ALG9: variants seen among roughly 807,000 people sequenced by gnomAD.
ALG9 encodes ALG9 alpha-1,2-mannosyltransferase.
ALG9 carries 55 observed loss-of-function variants against 81.8 expected under a neutral mutation model. The observed-to-expected ratio is 0.67, with a 90% CI of 0.54 to 0.84. ALG9 has a LOEUF of 0.84. Among genes scored for constraint, ALG9 ranks in the 40% least tolerant of loss-of-function variants. The pLI is 0.00. For missense variants in ALG9, 629 were observed against 745.0 expected (o/e 0.84, Z 1.81); for synonymous variants, 278 against 274.3 (o/e 1.01, Z -0.13).
Position 111,871,427 on chromosome 11 carries a change from T to TA in ALG9, c.55_56insT (p.Asp19ValfsTer39). The TA allele has an allele frequency of 6.5e-7, 1 of 1,536,176 alleles. No homozygotes were observed. Among genetic ancestry groups the TA allele is most frequent in the Non-Finnish European group, 8.7e-7 (1 of 1,146,640 alleles). On this transcript the variant is annotated frameshift_variant, in exon 1 of 15. Coordinates refer to ENST00000616540, the MANE Select transcript of ALG9 (RefSeq NM_024740.2). LOFTEE classifies it high-confidence loss of function. ...CAGCTTGTCCGCAGCCGGGGCCGTATCCCCACTGCTGGCCCCGCTGCCCTT... is the reference window on the plus strand; with the variant it reads ...CAGCTTGTCCGCAGCCGGGGCCGTATACCCCACTGCTGGCCCCGCTGCCCTT...
At chr11:111,810,933 ACTC>A (rs1380063511) in intron 13 of ALG9, among the ~76,000 whole-genome samples, 3 of 152,172 alleles carry the variant, frequency 2.0e-5, no homozygotes, top group African/African-American at 7.2e-5. Flanking sequence ...TGCTGTCACT[ACTC>A]TGTTCAGCAC....
intron 5 of ALG9, among the ~76,000 whole-genome samples, chr11:111,858,215 G>A (rs1467203545): frequency 5.9e-5 from 9 of 152,062 alleles, no homozygotes; most frequent in Non-Finnish European, 4.4e-5. Flanking sequence ...GATTACAGGC[G>A]TGAACCACCG....
In ALG9 at chr11:111,836,544, T is replaced by C. The variant is rs1565971751; in HGVS notation, c.1473-250A>G. 7 of 441,128 alleles carry C rather than the reference T, an allele frequency of 1.6e-5. No individual in the cohort carries two copies. In the Admixed American group the frequency reaches 2.1e-4, roughly 13 times the overall value. The allele number at this position is 441,128 out of a possible 1,614,324, so 27.3% of individuals were successfully genotyped here. On this transcript the variant is annotated intron_variant, in intron 12 of 14. Transcript: ENST00000616540. The stretch of plus-strand genomic sequence containing the variant: ...AGCAGTGAAATTCACAACCAAATGG[T>C]CATATCATCAAAAAACCAGAGAAGT...
chr11:111,869,168 A>T (rs1203489223), intron 2 of ALG9, among the ~76,000 whole-genome samples: 1 of 152,216 alleles, frequency 6.6e-6, no homozygotes, highest in Non-Finnish European at 1.5e-5. Context: ...GACATTATAA[A>T]TTTTACAAGA....
intron 14 of ALG9, among the ~76,000 whole-genome samples, chr11:111,793,939 C>G (rs1947851558): frequency 6.6e-6 from 1 of 152,218 alleles, no homozygotes; most frequent in African/African-American, 2.4e-5. Flanking sequence ...TAGGGCAGCA[C>G]AGGCAGCGTG....
chr11:111,849,143 C>T (rs1028594546), intron 8 of ALG9, among the ~76,000 whole-genome samples: 1 of 152,098 alleles, frequency 6.6e-6, no homozygotes, highest in African/African-American at 2.4e-5. Flanking sequence ...CTCTGCCTCC[C>T]GAGTTCAAGC....
At chr11:111,802,037 C>A (rs1175134723) in intron 14 of ALG9, among the ~76,000 whole-genome samples, 1 of 152,230 alleles carries the variant, frequency 6.6e-6, no homozygotes, top group African/African-American at 2.4e-5. Context: ...ATTACTACTG[C>A]AGTTCTGGCA....
rs996191556 is a variant in ALG9 at position 111,783,533 on chromosome 11, T to G, written c.*2864A>C. ...TCTATGGAGAAATAAGTATCTTGCATGCTTCCTCCTTTTGGCAAGCAGAAC... is the reference window on the plus strand; with the variant it reads ...TCTATGGAGAAATAAGTATCTTGCAGGCTTCCTCCTTTTGGCAAGCAGAAC... On this transcript the variant is annotated 3_prime_UTR_variant, in exon 15 of 15. Transcript: ENST00000616540. The G allele has an allele frequency of 1.3e-5, 2 of 152,172 alleles. No individual in the cohort carries two copies. Among genetic ancestry groups the G allele is most frequent in the African/African-American group, 4.8e-5 (2 of 41,430 alleles). 9.4% of individuals were successfully genotyped at this position (152,172 alleles called of 1,614,324 possible).
At chr11:111,781,210 G>T (rs1380592385), downstream of ALG9, among the ~76,000 whole-genome samples, 2 of 152,170 alleles carry the variant, frequency 1.3e-5, no homozygotes, top group Non-Finnish European at 2.9e-5. Context: ...CCTATAGGAA[G>T]AATAATAATA....
intron 14 of ALG9, among the ~76,000 whole-genome samples, chr11:111,808,220 T>C (rs1287717543): frequency 6.6e-6 from 1 of 152,166 alleles, no homozygotes; most frequent in East Asian, 1.9e-4. Context: ...AGCCTACATT[T>C]GAGAATCACT....
At chr11:111,793,148 A>G (rs1431303541) in intron 14 of ALG9, among the ~76,000 whole-genome samples, 4 of 151,946 alleles carry the variant, frequency 2.6e-5, no homozygotes, top group African/African-American at 9.7e-5. Flanking sequence ...ATTCCCAGCT[A>G]ATTTTTTACT....
chr11:111,846,789 A>G (rs906690567), intron 8 of ALG9, among the ~76,000 whole-genome samples: 44 of 152,218 alleles, frequency 2.9e-4, no homozygotes, highest in African/African-American at 1.0e-3. Context: ...AGCAAAGGGT[A>G]TAAACTTTTA....
chr11:111,869,154 T>G (rs1186295129), intron 2 of ALG9, among the ~76,000 whole-genome samples: 3 of 152,206 alleles, frequency 2.0e-5, no homozygotes, highest in Admixed American at 6.5e-5. Context: ...ATTTAAAATA[T>G]TAAGACATTA....
At chr11:111,855,222 GT>G (rs1159092836) in intron 6 of ALG9, among the ~76,000 whole-genome samples, 1 of 152,124 alleles carries the variant, frequency 6.6e-6, no homozygotes, top group Admixed American at 6.5e-5. Context: ...CTCTGTGTAT[GT>G]TTGTTGTTTT....
intron 14 of ALG9, among the ~76,000 whole-genome samples, chr11:111,799,558 A>T (rs781895857): frequency 1.6e-4 from 25 of 152,170 alleles, no homozygotes; most frequent in Admixed American, 6.5e-4. Flanking sequence ...CAATAATAAG[A>T]ATTGTCAGCA....
chr11:111,864,266 T>C, intron 4 of ALG9: 2 of 1,128,426 alleles, frequency 1.8e-6, no homozygotes, highest in South Asian at 1.3e-5. Context: ...GTCTGGCTCC[T>C]CCAGCGTTGC....
intron 14 of ALG9, chr11:111,805,239 G>T (rs1441438579): frequency 2.2e-6 from 1 of 456,292 alleles, no homozygotes; most frequent in African/African-American, 2.0e-5. Flanking sequence ...CAAGTCAGCT[G>T]TCTGCAGCCA....
intron 13 of ALG9, among the ~76,000 whole-genome samples, chr11:111,813,297 C>T (rs1304343952): frequency 6.6e-6 from 1 of 151,862 alleles, no homozygotes; most frequent in Non-Finnish European, 1.5e-5. Context: ...TTTAGAATAC[C>T]TTTTCACCAA....
At chr11:111,768,228 A>C in the ALG9 span, among the ~76,000 whole-genome samples, 1 of 152,250 alleles carries the variant, frequency 6.6e-6, no homozygotes, top group African/African-American at 2.4e-5. Context: ...ACACAAAAGA[A>C]GCTGAGCTAT....
Sources: allele counts gnomAD v4.1 joint callset (sites outside exome capture counted in the v4.1 genomes callset), GRCh38; gene constraint gnomAD v4.1.1; transcripts MANE v1.5; gene names NCBI Gene and HGNC (gene_info 2026-07-23, HGNC 2026-07-21).